RTL4: variants seen among roughly 807,000 people sequenced by gnomAD.
RTL4 encodes the protein retrotransposon Gag-like protein 4.
Under a neutral mutation model 5.3 loss-of-function variants are expected in RTL4, and 4 were observed. The observed-to-expected ratio is 0.75, with a 90% CI of 0.37 to 1.72. RTL4 has a LOEUF of 1.72. RTL4 is among the 40% of genes most tolerant of loss of function. RTL4 has a pLI of 0.04. For missense variants in RTL4, 260 were observed against 227.1 expected (o/e 1.14, Z -0.93); for synonymous variants, 98 against 87.3 (o/e 1.12, Z -0.68).
chrX:112,167,275 C>T, the RTL4 span, among the ~76,000 whole-genome samples: 2 of 111,556 alleles, frequency 1.8e-5, no homozygotes, highest in South Asian at 3.8e-4. Context: ...TCTTTCATAT[C>T]ATCTGGGAAA....
the RTL4 span, among the ~76,000 whole-genome samples, chrX:112,206,584 C>A: frequency 4.5e-5 from 5 of 111,099 alleles, no homozygotes; most frequent in African/African-American, 6.6e-5. Context: ...CTTTCCCTGG[C>A]TTCTAAAGTT....
chrX:112,096,641 TA>T, the RTL4 span, among the ~76,000 whole-genome samples: 2 of 111,682 alleles, frequency 1.8e-5, no homozygotes, highest in Non-Finnish European at 3.8e-5. Flanking sequence ...ACATCTACAC[TA>T]AACAATATGG....
At chrX:112,204,357 A>G in the RTL4 span, among the ~76,000 whole-genome samples, 2 of 112,292 alleles carry the variant, frequency 1.8e-5, no homozygotes, top group Non-Finnish European at 3.8e-5. Flanking sequence ...TCGAAGGGAT[A>G]TCTGCATGTC....
chrX:112,435,901 T>G, the RTL4 span, among the ~76,000 whole-genome samples: 2 of 111,821 alleles, frequency 1.8e-5, no homozygotes, highest in African/African-American at 6.5e-5. Flanking sequence ...AACTTCACAG[T>G]TTTGCTTATT....
At chrX:112,291,004 C>T in the RTL4 span, among the ~76,000 whole-genome samples, 3 of 111,664 alleles carry the variant, frequency 2.7e-5, no homozygotes, top group East Asian at 2.8e-4. Context: ...CTTATTATTA[C>T]GTTTCTAGTT....
the RTL4 span, among the ~76,000 whole-genome samples, chrX:112,268,151 T>C: frequency 8.9e-6 from 1 of 111,959 alleles, no homozygotes; most frequent in African/African-American, 3.2e-5. Context: ...CCATCCTTTA[T>C]GTACTCTGAC....
chrX:112,290,508 A>C, the RTL4 span, among the ~76,000 whole-genome samples: 2 of 112,261 alleles, frequency 1.8e-5, no homozygotes, highest in Non-Finnish European at 3.8e-5. Context: ...CAATAAAATC[A>C]GGACAGTAGT....
the RTL4 span, among the ~76,000 whole-genome samples, chrX:112,120,370 A>G: frequency 1.8e-5 from 2 of 111,712 alleles, no homozygotes; most frequent in Non-Finnish European, 3.8e-5. Flanking sequence ...TCCGCCTCCC[A>G]GGTTCATGCC....
chrX:112,406,161 G>A, the RTL4 span, among the ~76,000 whole-genome samples: 39 of 111,656 alleles, frequency 3.5e-4, no homozygotes, highest in Admixed American at 3.3e-3. Flanking sequence ...CACAATGACT[G>A]CAACTTCTAG....
the RTL4 span, among the ~76,000 whole-genome samples, chrX:112,446,151 C>G: frequency 1.8e-5 from 2 of 112,157 alleles, no homozygotes; most frequent in Non-Finnish European, 3.8e-5. Context: ...TAGGGCACAA[C>G]ACATGAGATG....
chrX:112,223,520 A>G, the RTL4 span, among the ~76,000 whole-genome samples: 2 of 112,298 alleles, frequency 1.8e-5, no homozygotes, highest in African/African-American at 3.2e-5. Flanking sequence ...GTCTGCCTCC[A>G]CTGTGAGACA....
the RTL4 span, among the ~76,000 whole-genome samples, chrX:112,243,650 C>T: frequency 6.3e-5 from 7 of 111,331 alleles, no homozygotes; most frequent in African/African-American, 2.3e-4. Context: ...AAAACCAGCT[C>T]CTGGATTCAT....
At chrX:112,319,648 T>C in the RTL4 span, among the ~76,000 whole-genome samples, 1 of 111,827 alleles carries the variant, frequency 8.9e-6, no homozygotes, top group South Asian at 3.8e-4. Context: ...TTTCCATCAA[T>C]TCCTTCCACC....
At chrX:112,303,789 A>T in the RTL4 span, among the ~76,000 whole-genome samples, 3 of 106,641 alleles carry the variant, frequency 2.8e-5, no homozygotes, top group Admixed American at 2.0e-4. Context: ...AAAAGAATTT[A>T]AAAAAAAAAG....
the RTL4 span, among the ~76,000 whole-genome samples, chrX:112,262,363 A>C: frequency 8.9e-6 from 1 of 111,939 alleles, no homozygotes; most frequent in Non-Finnish European, 1.9e-5. Context: ...AACAAACGAC[A>C]CAATCAACAA....
chrX:112,251,666 G>C, the RTL4 span, among the ~76,000 whole-genome samples: 1 of 111,105 alleles, frequency 9.0e-6, no homozygotes, highest in African/African-American at 3.3e-5. Flanking sequence ...GCATGTGTGT[G>C]TTAGAATTGA....
chrX:112,216,217 T>G, the RTL4 span, among the ~76,000 whole-genome samples: 1 of 111,743 alleles, frequency 8.9e-6, no homozygotes, highest in Non-Finnish European at 1.9e-5. Flanking sequence ...CCTTTGGAGC[T>G]CTGTCTGTCA....
At chrX:112,270,941 G>A in the RTL4 span, among the ~76,000 whole-genome samples, 1 of 108,826 alleles carries the variant, frequency 9.2e-6, no homozygotes, top group Admixed American at 9.9e-5. Context: ...GGCCAGCTGT[G>A]CCTATTAGAC....
chrX:112,156,231 G>A, the RTL4 span, among the ~76,000 whole-genome samples: 6 of 112,445 alleles, frequency 5.3e-5, no homozygotes, highest in African/African-American at 1.9e-4. Context: ...ACTCCAGAAG[G>A]AATTTTTCTT....
Sources: gnomAD v4.1 joint callset for allele counts (sites outside exome capture counted in the v4.1 genomes callset) on GRCh38, gnomAD v4.1.1 for gene constraint, MANE v1.5 for transcripts, NCBI Gene and HGNC (gene_info 2026-07-23, HGNC 2026-07-21) for gene names.